SALL4: variants seen among roughly 807,000 people sequenced by gnomAD.
The protein encoded by SALL4 is sal-like protein 4.
Under a neutral mutation model 60.8 loss-of-function variants are expected in SALL4, and 4 were observed. The ratio of observed to expected loss-of-function variants is 0.07; its 90% CI spans 0.03 to 0.15. SALL4 has a LOEUF of 0.15. Among genes scored for constraint, SALL4 ranks in the 10% least tolerant of loss-of-function variants. SALL4 has a pLI of 1.00. For synonymous variants in SALL4, 580 were observed against 574.9 expected (o/e 1.01, Z -0.13); for missense variants, 1,178 against 1,394.7 (o/e 0.84, Z 2.48).
In SALL4 at chr20:51,791,814, C is replaced by T. The variant is rs1298085601; in HGVS notation, c.669G>A (p.Gln223=). 1.4e-5 allele frequency: 22 copies of T among 1,614,032 alleles called. No homozygotes were observed. The highest frequency in any genetic ancestry group is 1.9e-5 in the Non-Finnish European group (22 of 1,180,058). The change falls in exon 2 of 4, where the codon CAG becomes CAA. Residue 223 remains glutamine (Q), a synonymous_variant. Coordinates refer to ENST00000217086, the MANE Select transcript of SALL4 (RefSeq NM_020436.5). This position sits in a 1 kb window ranked among gnomAD's most constrained non-coding sequence, Gnocchi z 4.6. Reference sequence around the variant, plus strand: ...TGAGCTGGATCTGCTGTAGCTGCTGCTGCTGCAGACACAAGATCTGCTCGA... The same window carrying T: ...TGAGCTGGATCTGCTGTAGCTGCTGTTGCTGCAGACACAAGATCTGCTCGA... The part of the protein sequence containing the change: ...WVLEQILCLQ[Q]QQLQQIQLTE...
Position 51,788,963 on chromosome 20 carries a change from C to A in SALL4, c.2640G>T (p.Ser880=). 2 of 1,614,170 alleles carry A rather than the reference C, an allele frequency of 1.2e-6. No homozygotes were observed. Among genetic ancestry groups the A allele is most frequent in the Non-Finnish European group, 1.7e-6 (2 of 1,180,024 alleles). The change falls in exon 3 of 4, where the codon TCG becomes TCT. Residue 880 remains serine (S), a synonymous_variant. Coordinates refer to ENST00000217086, the MANE Select transcript of SALL4 (RefSeq NM_020436.5). This position sits in a 1 kb window ranked among gnomAD's most constrained non-coding sequence, Gnocchi z 4.1. ...HGCTRCGKNF[S]SASALQIHER... ...CGTGGATCTGAAGAGCGCTAGCAGA[C>A]GAGAAGTTCTTCCCACACCGTGTGC...
intron 3 of SALL4, among the ~76,000 whole-genome samples, chr20:51,786,583 G>C (rs971858774): frequency 3.3e-5 from 5 of 152,166 alleles, no homozygotes; most frequent in Non-Finnish European, 7.3e-5. Flanking sequence ...TAAAACTGTA[G>C]AGTGCACAAC....
At chr20:51,795,280 G>T (rs981015035) in intron 1 of SALL4, among the ~76,000 whole-genome samples, 1 of 152,082 alleles carries the variant, frequency 6.6e-6, no homozygotes, top group African/African-American at 2.4e-5. Flanking sequence ...GGTGGTGGGC[G>T]CCTGTAGTCC....
chr20:51,789,229 T>G (rs1445908060), intron 2 of SALL4, 88 bp from the exon 3 acceptor site: 1 of 1,479,080 alleles, frequency 6.8e-7, no homozygotes, highest in African/African-American at 1.4e-5. Flanking sequence ...TAAAAATAAC[T>G]GCCTGCTAGT....
rs764020122 is a variant in SALL4 at position 51,784,299 on chromosome 20, T to G, written c.3128A>C (p.His1043Pro). Residue 1043 changes from histidine (H) to proline (P), a missense_variant, in exon 4 of 4, where the codon CAC becomes CCC. This residue lies in a region of SALL4 where 174 missense variants were observed against 169.6 expected (regional missense o/e 1.03). Coordinates refer to ENST00000217086, the MANE Select transcript of SALL4 (RefSeq NM_020436.5). ...CGCAATCTTGTTTTCTTCCAGGAAG[T>G]GAGGAAACTGGTGTTTGGGAACGCC... ...TDGVPKHQFP[H>P]FLEENKIAVS 8.1e-6 allele frequency: 13 copies of G among 1,614,120 alleles called. No homozygotes were observed. The highest frequency in any genetic ancestry group is 1.0e-5 in the Non-Finnish European group (12 of 1,180,030).
In SALL4 at chr20:51,790,241, T is replaced by A; in HGVS notation, c.2242A>T (p.Ser748Cys). Residue 748 changes from serine (S) to cysteine (C), a missense_variant, in exon 2 of 4, where the codon AGC becomes TGC. Physicochemically the swap from Ser to Cys is moderately radical, Grantham distance 112. Transcript: ENST00000217086. This position sits in a 1 kb window ranked among gnomAD's most constrained non-coding sequence, Gnocchi z 5.5. ...CTCTCCACGGAACCGTTTTCTCTGC[T>A]GCCCTGGCGCTGCAGGTTAAAAGGG... ...PAPFNLQRQGSRENGSVESDG... is the reference protein window; with the variant it reads ...PAPFNLQRQGCRENGSVESDG... The A allele has an allele frequency of 6.2e-7, 1 of 1,614,188 alleles. No individual in the cohort carries two copies. The highest frequency in any genetic ancestry group is 8.5e-7 in the Non-Finnish European group (1 of 1,180,034).
In SALL4 at chr20:51,784,324, C is replaced by A; in HGVS notation, c.3103G>T (p.Gly1035Cys). ...TGAGGAAACTGGTGTTTGGGAACGC[C>A]GTCAGTAGCACTTGGTTTTTCCACA... is the stretch of plus-strand genomic sequence containing the variant. The part of the protein sequence containing the change: ...ADVEKPSATD[G>C]VPKHQFPHFL... The change falls in exon 4 of 4, where the codon GGC becomes TGC. Residue 1035 changes from glycine to cysteine, a missense_variant. Around this residue, in one of 5 missense-constraint regions of SALL4, gnomAD observed 174 missense variants for 169.6 expected, o/e 1.03. Transcript: ENST00000217086. 1 of 1,614,152 alleles carries A rather than the reference C, an allele frequency of 6.2e-7. No homozygotes were observed. Among genetic ancestry groups the A allele is most frequent in the Non-Finnish European group, 8.5e-7 (1 of 1,180,036 alleles).
chr20:51,794,152 C>T (rs1403461928), intron 1 of SALL4, among the ~76,000 whole-genome samples: 1 of 152,246 alleles, frequency 6.6e-6, no homozygotes, highest in Non-Finnish European at 1.5e-5. Flanking sequence ...TTCCACAATA[C>T]TAACCTCCTA....
At chr20:51,798,448 AT>A (rs1387444160) in intron 1 of SALL4, among the ~76,000 whole-genome samples, 4 of 82,082 alleles carry the variant, frequency 4.9e-5, no homozygotes, top group African/African-American at 2.0e-4. Flanking sequence ...CAGACATACA[AT>A]TTGTTGGGGC....
intron 1 of SALL4, among the ~76,000 whole-genome samples, chr20:51,800,417 T>G (rs367721394): frequency 6.6e-6 from 1 of 152,232 alleles, no homozygotes; most frequent in Non-Finnish European, 1.5e-5. Flanking sequence ...CAAATCGCAG[T>G]GGCAGCGCAC....
rs2078042393 is a variant in SALL4 at position 51,791,553 on chromosome 20, C to T, written c.930G>A (p.Leu310=). Residue 310 remains leucine, a synonymous_variant, in exon 2 of 4, where the codon CTG becomes CTA. Transcript: ENST00000217086. This position sits in a 1 kb window ranked among gnomAD's most constrained non-coding sequence, Gnocchi z 4.6. ...PSATSSLSPG[L]APFTLKPDGT... Reference sequence around the variant, plus strand: ...CATCCGGCTTCAGAGTGAAGGGTGCCAGCCCTGGGGACAGGGAGCTGGTGG... The same window carrying T: ...CATCCGGCTTCAGAGTGAAGGGTGCTAGCCCTGGGGACAGGGAGCTGGTGG... The T allele has an allele frequency of 6.2e-7, 1 of 1,613,688 alleles. No homozygotes were observed. Among genetic ancestry groups the T allele is most frequent in the Non-Finnish European group, 8.5e-7 (1 of 1,180,046 alleles).
chr20:51,795,192 G>A (rs901548592), intron 1 of SALL4, among the ~76,000 whole-genome samples: 3 of 152,054 alleles, frequency 2.0e-5, no homozygotes, highest in Non-Finnish European at 2.9e-5. Flanking sequence ...TGGCTCACAA[G>A]GTCAGGAGAT....
At chr20:51,789,883 C>G in intron 2 of SALL4, 139 bp downstream of exon 2, 1 of 1,012,814 alleles carries the variant, frequency 9.9e-7, no homozygotes, top group Non-Finnish European at 1.5e-6. Context: ...TGCCCTCTAC[C>G]CAGAAGTAAA....
At chr20:51,802,235 C>A in intron 1 of SALL4, 44 bp downstream of exon 1, 2 of 1,553,184 alleles carry the variant, frequency 1.3e-6, no homozygotes, top group Admixed American at 1.9e-5. Flanking sequence ...CCGCGTACGT[C>A]CGGGAAGCTC....
chr20:51,793,029 T>G, intron 1 of SALL4: 1 of 971,748 alleles, frequency 1.0e-6, no homozygotes, highest in African/African-American at 1.8e-5. Context: ...TGATCTAGGT[T>G]TTCTTGTTTT....
In SALL4 at chr20:51,782,742, T is replaced by C. The variant is rs2077963349; in HGVS notation, c.*1523A>G. The stretch of plus-strand genomic sequence containing the variant: ...TTGTTAAACCAAGAGCAATGTTTCG[T>C]TTGCTCAATATCACATTTACAAAGG... On this transcript the variant is annotated 3_prime_UTR_variant, in exon 4 of 4. Coordinates refer to ENST00000217086, the MANE Select transcript of SALL4 (RefSeq NM_020436.5). 6.6e-6 allele frequency: 1 copy of C among 151,880 alleles called. No homozygotes were observed. The highest frequency in any genetic ancestry group is 1.5e-5 in the Non-Finnish European group (1 of 68,004). The allele number at this position is 151,880 out of a possible 1,614,324, so 9.4% of individuals were successfully genotyped here. A position where few individuals can be genotyped will look rare whatever the true frequency, so the allele number is the denominator to read the frequency against.
intron 1 of SALL4, among the ~76,000 whole-genome samples, chr20:51,793,362 T>G (rs1357548148): frequency 1.3e-5 from 2 of 151,888 alleles, no homozygotes; most frequent in Non-Finnish European, 2.9e-5. Flanking sequence ...GCAGCGTCCA[T>G]GTATAGTTCA....
At chr20:51,792,973 A>G (rs11906064) in intron 1 of SALL4, 37,152 of 990,900 alleles carry the variant, frequency 0.037, 1,254 homozygotes, top group African/African-American at 0.15. Flanking sequence ...CCCAGCAGCT[A>G]AGCCTATAAA....
At chr20:51,793,835 G>C (rs540786114) in intron 1 of SALL4, among the ~76,000 whole-genome samples, 1 of 152,334 alleles carries the variant, frequency 6.6e-6, no homozygotes, top group South Asian at 2.1e-4. Context: ...ATTTCAGACT[G>C]GGTCACAATA....
Sources: allele counts gnomAD v4.1 joint callset (sites outside exome capture counted in the v4.1 genomes callset), GRCh38; gene constraint gnomAD v4.1.1; regional missense constraint gnomAD v4.1.1; non-coding constraint Gnocchi (gnomAD v3.1); transcripts MANE v1.5; gene names NCBI Gene and HGNC (gene_info 2026-07-23, HGNC 2026-07-21).